ENTREP2: variants seen among roughly 807,000 people sequenced by gnomAD.
The protein encoded by ENTREP2 is endosomal transmembrane epsin interactor 2, also known as protein ENTREP2.
chr15:29,219,614 AAT>A, the ENTREP2 span, among the ~76,000 whole-genome samples: 245 of 38,252 alleles, frequency 6.4e-3, no homozygotes, highest in Admixed American at 0.013. Flanking sequence ...GTGGTGCATA[AAT>A]ATATATATAT....
At chr15:29,408,229 G>C in the ENTREP2 span, among the ~76,000 whole-genome samples, 1 of 152,106 alleles carries the variant, frequency 6.6e-6, no homozygotes, top group African/African-American at 2.4e-5. Context: ...AGGCACAGGG[G>C]ATCCAGCAGT....
the ENTREP2 span, among the ~76,000 whole-genome samples, chr15:29,208,274 C>A: frequency 6.6e-6 from 1 of 151,768 alleles, no homozygotes; most frequent in African/African-American, 2.4e-5. Flanking sequence ...CCATCCCTGT[C>A]CTACCTATAA....
chr15:29,245,616 T>C, the ENTREP2 span, among the ~76,000 whole-genome samples: 149 of 150,654 alleles, frequency 9.9e-4, no homozygotes, highest in African/African-American at 3.5e-3. Context: ...TATATATGTA[T>C]ATAATATATA....
the ENTREP2 span, among the ~76,000 whole-genome samples, chr15:29,525,302 A>G: frequency 3.3e-5 from 5 of 152,384 alleles, no homozygotes; most frequent in African/African-American, 1.2e-4. Context: ...TTGTACAGGA[A>G]TGTTCACAGC....
the ENTREP2 span, among the ~76,000 whole-genome samples, chr15:29,250,746 A>G: frequency 6.6e-6 from 1 of 152,198 alleles, no homozygotes; most frequent in Admixed American, 6.5e-5. Flanking sequence ...CCTAGTATTT[A>G]GGAATAAAAA....
chr15:29,138,587 C>A, the ENTREP2 span, among the ~76,000 whole-genome samples: 18 of 78,284 alleles, frequency 2.3e-4, no homozygotes, highest in African/African-American at 1.3e-3. Flanking sequence ...GTGCATGTGT[C>A]TGTGTATATA....
At chr15:29,373,051 C>T in the ENTREP2 span, among the ~76,000 whole-genome samples, 1 of 151,888 alleles carries the variant, frequency 6.6e-6, no homozygotes, top group African/African-American at 2.4e-5. Flanking sequence ...AGATCTTTTA[C>T]AGTGTATATT....
the ENTREP2 span, among the ~76,000 whole-genome samples, chr15:29,319,768 C>T: frequency 5.9e-5 from 9 of 152,190 alleles, no homozygotes; most frequent in Non-Finnish European, 1.2e-4. Context: ...GATCTGCTCA[C>T]CTAGAGATGC....
chr15:29,653,791 T>C, the ENTREP2 span, among the ~76,000 whole-genome samples: 1 of 151,186 alleles, frequency 6.6e-6, no homozygotes, highest in East Asian at 1.9e-4. Context: ...CAATGCCTTA[T>C]TCATGTTTTT....
At chr15:29,487,698 G>T in the ENTREP2 span, among the ~76,000 whole-genome samples, 1 of 152,210 alleles carries the variant, frequency 6.6e-6, no homozygotes, top group East Asian at 1.9e-4. Context: ...CCAGGCGTTT[G>T]TTCGTTTGTT....
chr15:29,471,711 ACC>A, the ENTREP2 span, among the ~76,000 whole-genome samples: 3 of 152,190 alleles, frequency 2.0e-5, no homozygotes, highest in African/African-American at 7.2e-5. Flanking sequence ...AGGACAGCAC[ACC>A]TCTGGTGCAA....
chr15:29,523,783 A>C, the ENTREP2 span, among the ~76,000 whole-genome samples: 4 of 152,068 alleles, frequency 2.6e-5, no homozygotes, highest in African/African-American at 9.7e-5. Flanking sequence ...AGTATAATGC[A>C]AAAGGAACAG....
the ENTREP2 span, among the ~76,000 whole-genome samples, chr15:29,667,487 CTTTT>C: frequency 6.7e-5 from 7 of 104,670 alleles, no homozygotes; most frequent in South Asian, 3.9e-4. Flanking sequence ...TGCGCCTGGC[CTTTT>C]TTTTTTTTTT....
At chr15:29,444,249 A>AG in the ENTREP2 span, among the ~76,000 whole-genome samples, 7 of 150,672 alleles carry the variant, frequency 4.6e-5, no homozygotes, top group African/African-American at 1.7e-4. Flanking sequence ...AAAGAAAGAA[A>AG]GAGAAAGAGA....
chr15:29,203,517 T>C, the ENTREP2 span, among the ~76,000 whole-genome samples: 1 of 152,228 alleles, frequency 6.6e-6, no homozygotes, highest in East Asian at 1.9e-4. Context: ...TATCTCATTG[T>C]GGTTTTTGAT....
At chr15:29,426,265 G>A in the ENTREP2 span, among the ~76,000 whole-genome samples, 1 of 152,086 alleles carries the variant, frequency 6.6e-6, no homozygotes, top group Non-Finnish European at 1.5e-5. Flanking sequence ...AAGCCTAGAG[G>A]AATCTTGCTT....
chr15:29,397,992 T>C, the ENTREP2 span, among the ~76,000 whole-genome samples: 1 of 151,876 alleles, frequency 6.6e-6, no homozygotes, highest in Non-Finnish European at 1.5e-5. Context: ...ATTGTTGGAC[T>C]CTTTCAGATA....
At chr15:29,668,122 A>G in the ENTREP2 span, among the ~76,000 whole-genome samples, 1 of 152,200 alleles carries the variant, frequency 6.6e-6, no homozygotes, top group Non-Finnish European at 1.5e-5. Context: ...TAGCCAATCA[A>G]TCGTGGAAGA....
At chr15:29,612,603 T>A in the ENTREP2 span, 1 of 153,848 alleles carries the variant, frequency 6.5e-6, no homozygotes, top group African/African-American at 2.4e-5. Context: ...GACAGGACAC[T>A]GTGGCAGTCA....
Sources: allele counts gnomAD v4.1 joint callset (sites outside exome capture counted in the v4.1 genomes callset), GRCh38; gene constraint gnomAD v4.1.1; transcripts MANE v1.5; gene names NCBI Gene and HGNC (gene_info 2026-07-23, HGNC 2026-07-21).